The following GPR176 variants were observed in gnomAD, a reference collection of about 807,000 sequenced individuals.
The protein encoded by GPR176 is G protein-coupled receptor 176.
In GPR176, 26 loss-of-function variants were observed where a neutral mutation model predicts 35.4. That is an observed-to-expected ratio of 0.74 (90% CI 0.54 to 1.02). The LOEUF (loss-of-function observed/expected upper bound fraction) is 1.02. GPR176 is among the 50% of genes least tolerant of loss of function. GPR176 has a pLI of 0.00. For synonymous variants in GPR176, 278 were observed against 271.3 expected (o/e 1.02, Z -0.24); for missense variants, 597 against 665.3 (o/e 0.90, Z 1.13).
Position 39,919,903 on chromosome 15 carries a change from G to T in GPR176, c.124C>A (p.Gln42Lys), listed in dbSNP as rs1255948635. 6.6e-7 allele frequency: 1 copy of T among 1,526,564 alleles called. No homozygotes were observed. 94.6% of individuals were successfully genotyped at this position (1,526,564 alleles called of 1,614,324 possible). ...ACGACCTGCACGGTGGTGGTGAACT[G>T]GCGGTACAGCTGCGCCTCGCCGAAC... is the stretch of plus-strand genomic sequence containing the variant. Reference protein sequence around the residue: ...GEFGEAQLYRQFTTTVQVVIF... With the variant: ...GEFGEAQLYRKFTTTVQVVIF... Residue 42 changes from glutamine (Q) to lysine (K), a missense_variant, in exon 1 of 3, where the codon CAG (glutamine) becomes AAG (lysine). By Grantham distance (53) the Gln-to-Lys change is moderately conservative (BLOSUM62 1). Around this residue, in one of 3 missense-constraint regions of GPR176, gnomAD observed 126 missense variants for 112.4 expected, o/e 1.12. Transcript: ENST00000561100.
chr15:39,828,022 T>C (rs574930168), intron 1 of GPR176, among the ~76,000 whole-genome samples: 3 of 152,280 alleles, frequency 2.0e-5, no homozygotes, highest in East Asian at 3.9e-4. Flanking sequence ...TATTGGGAGA[T>C]GGTATAATAA....
intron 1 of GPR176, among the ~76,000 whole-genome samples, chr15:39,819,985 G>A (rs2140808245): frequency 6.6e-6 from 1 of 152,304 alleles, no homozygotes; most frequent in Non-Finnish European, 1.5e-5. Flanking sequence ...GCTGAATTTA[G>A]TAGGCAAGGC....
At chr15:39,807,885 A>G (rs1899302123) in intron 1 of GPR176, among the ~76,000 whole-genome samples, 1 of 152,196 alleles carries the variant, frequency 6.6e-6, no homozygotes, top group South Asian at 2.1e-4. Flanking sequence ...TCACCTTTCA[A>G]TAGCCACATG....
At chr15:39,811,915 CAA>C (rs1423143703) in intron 1 of GPR176, among the ~76,000 whole-genome samples, 3 of 75,640 alleles carry the variant, frequency 4.0e-5, no homozygotes, top group African/African-American at 4.9e-5. Context: ...GACTCCGTCT[CAA>C]AAAAAAAAAA....
At chr15:39,846,893 T>C (rs1048944420) in intron 1 of GPR176, among the ~76,000 whole-genome samples, 5 of 152,182 alleles carry the variant, frequency 3.3e-5, no homozygotes, top group African/African-American at 1.2e-4. Context: ...AATATAATTT[T>C]TTTCCTCAAG....
intron 1 of GPR176, among the ~76,000 whole-genome samples, chr15:39,895,743 C>G (rs1170660790): frequency 6.6e-6 from 1 of 152,076 alleles, no homozygotes; most frequent in East Asian, 1.9e-4. Context: ...ACACTAAAAA[C>G]ATTAATAATA....
At chr15:39,843,716 C>T (rs184390212) in intron 1 of GPR176, among the ~76,000 whole-genome samples, 11 of 152,260 alleles carry the variant, frequency 7.2e-5, no homozygotes, top group Admixed American at 5.2e-4. Context: ...GAATACTAGA[C>T]ATTTGATGGC....
intron 2 of GPR176, among the ~76,000 whole-genome samples, chr15:39,805,556 C>T (rs538035219): frequency 7.2e-5 from 11 of 152,188 alleles, no homozygotes; most frequent in Non-Finnish European, 1.5e-4. Context: ...CGGCTGATCC[C>T]CATGAACGAG....
chr15:39,829,040 T>C (rs1900882102), intron 1 of GPR176: 1 of 749,848 alleles, frequency 1.3e-6, no homozygotes, highest in Admixed American at 2.0e-5. Context: ...TTCTATCCCA[T>C]TTTAAAAATA....
chr15:39,905,326 A>C (rs775028290), intron 1 of GPR176, among the ~76,000 whole-genome samples: 6 of 151,940 alleles, frequency 3.9e-5, no homozygotes, highest in Non-Finnish European at 7.4e-5. Context: ...AAAAGGTCAT[A>C]TAGACTGGGT....
intron 1 of GPR176, among the ~76,000 whole-genome samples, chr15:39,908,778 T>G (rs1359957557): frequency 6.6e-6 from 1 of 152,182 alleles, no homozygotes; most frequent in Admixed American, 6.5e-5. Context: ...TGGAAAAAGA[T>G]GGCGCCTTTA....
intron 1 of GPR176, among the ~76,000 whole-genome samples, chr15:39,808,003 A>C (rs1336470154): frequency 6.6e-6 from 1 of 152,104 alleles, no homozygotes; most frequent in Non-Finnish European, 1.5e-5. Context: ...ACAGGCCTAC[A>C]ATCTCCTGGT....
intron 1 of GPR176, chr15:39,829,313 T>A: frequency 7.3e-7 from 1 of 1,379,194 alleles, no homozygotes; most frequent in South Asian, 1.5e-5. Flanking sequence ...AAGAAAGCCA[T>A]GAGGTCACAA....
chr15:39,817,509 T>C (rs1566938882), intron 1 of GPR176, among the ~76,000 whole-genome samples: 1 of 152,188 alleles, frequency 6.6e-6, no homozygotes, highest in Non-Finnish European at 1.5e-5. Flanking sequence ...AAGTTTAAAC[T>C]TCTCAACATC....
rs1473454456 is a variant in GPR176, at chr15:39,842,266, A to C, written c.173-35008T>G. ...GGCAAAGGGGAAGCCAGCATATTTT[A>C]CAGGGTAGGAGCAAGAGGAAGAGAG... On this transcript the variant is annotated intron_variant, in intron 1 of 2. Coordinates refer to ENST00000561100, the MANE Select transcript of GPR176 (RefSeq NM_007223.3). 3.3e-5 allele frequency among the ~76,000 whole-genome samples: 5 copies of C among 152,254 alleles called. No homozygotes were observed. In the South Asian group the frequency reaches 1.0e-3, roughly 32 times the overall value.
intron 1 of GPR176, among the ~76,000 whole-genome samples, chr15:39,825,157 C>T (rs911706175): frequency 3.3e-5 from 5 of 152,074 alleles, no homozygotes; most frequent in African/African-American, 4.8e-5. Flanking sequence ...CAGTGAGCCA[C>T]GATCACTGCA....
chr15:39,872,731 G>A (rs776308594), intron 1 of GPR176, among the ~76,000 whole-genome samples: 50 of 152,046 alleles, frequency 3.3e-4, no homozygotes, highest in Non-Finnish European at 6.6e-4. Context: ...TGGTGGGGAG[G>A]TGCCACACGT....
Position 39,807,017 on chromosome 15 carries a change from A to C in GPR176, c.414T>G (p.Ile138Met). 6.2e-7 allele frequency: 1 copy of C among 1,613,062 alleles called. No homozygotes were observed. Among genetic ancestry groups the C allele is most frequent in the South Asian group, 1.1e-5 (1 of 90,914 alleles). The change falls in exon 2 of 3, where the codon ATT (isoleucine) becomes ATG (methionine). Residue 138 changes from isoleucine (I) to methionine (M), a missense_variant. Around this residue, in one of 3 missense-constraint regions of GPR176, gnomAD observed 220 missense variants for 297.6 expected, o/e 0.74. Coordinates refer to ENST00000561100, the MANE Select transcript of GPR176 (RefSeq NM_007223.3). Reference sequence around the variant, plus strand: ...CTACCTGATCTTACCTGTCCAAAGCAATAGCAGGGAAGCTGAGGATGGTCA... The same window carrying C: ...CTACCTGATCTTACCTGTCCAAAGCCATAGCAGGGAAGCTGAGGATGGTCA... ...CSVTILSFPA[I>M]ALDRYYSVLY...
At chr15:39,901,540 G>A (rs1287033152) in intron 1 of GPR176, among the ~76,000 whole-genome samples, 1 of 152,140 alleles carries the variant, frequency 6.6e-6, no homozygotes, top group Non-Finnish European at 1.5e-5. Context: ...GCAAGAATAA[G>A]CTGGCTTTGG....
Sources: gnomAD v4.1 joint callset for allele counts (sites outside exome capture counted in the v4.1 genomes callset) on GRCh38, gnomAD v4.1.1 for gene constraint, gnomAD v4.1.1 regional missense constraint, MANE v1.5 for transcripts, NCBI Gene and HGNC (gene_info 2026-07-23, HGNC 2026-07-21) for gene names.